GGA1: variants seen among roughly 807,000 people sequenced by gnomAD.
GGA1 encodes golgi associated, gamma adaptin ear containing, ARF binding protein 1.
Under a neutral mutation model 76.9 loss-of-function variants are expected in GGA1, and 18 were observed. The ratio of observed to expected loss-of-function variants is 0.23; its 90% CI spans 0.16 to 0.35. The LOEUF (loss-of-function observed/expected upper bound fraction) is 0.35. Ranked by LOEUF, GGA1 falls within the 10% of genes least tolerant of loss-of-function variation. The pLI is 1.00. For missense variants in GGA1, 755 were observed against 859.0 expected (o/e 0.88, Z 1.51); for synonymous variants, 342 against 354.7 (o/e 0.96, Z 0.40).
At chr22:37,622,185 C>T (rs1206552708) in intron 7 of GGA1, among the ~76,000 whole-genome samples, 1 of 151,598 alleles carries the variant, frequency 6.6e-6, no homozygotes, top group Admixed American at 6.6e-5. Context: ...CTCAAGCAGT[C>T]CTCCCACCTC....
rs561280659 is a variant in GGA1, at chr22:37,620,055, T to C, written c.304-183T>C. 4 of 667,616 alleles carry C rather than the reference T, an allele frequency of 6.0e-6. No individual in the cohort carries two copies. In the South Asian group the frequency reaches 7.0e-5, roughly 12 times the overall value. 41.4% of individuals were successfully genotyped at this position (667,616 alleles called of 1,614,324 possible). ...AGACACTGAGGGCTGACCCAGCTAA[T>C]AAGTGGCAGGGGTAGTAGGTGAACT... is the stretch of plus-strand genomic sequence containing the variant. On this transcript the variant is annotated intron_variant, in intron 4 of 16. Transcript: ENST00000343632.
rs1601541972 is a variant in GGA1 at position 37,624,795 on chromosome 22, T to G, written c.833-174T>G. On this transcript the variant is annotated intron_variant, in intron 9 of 16. Coordinates refer to ENST00000343632, the MANE Select transcript of GGA1 (RefSeq NM_013365.5). The surrounding 1 kb of genome is among the most constrained non-coding windows in gnomAD (Gnocchi z 4.3). Reference sequence around the variant, plus strand: ...GAGTGAATGAGGGAAGGGTGGGAGGTGAGACCAGGGAGGTGGCGGAGGGCC... The same window carrying G: ...GAGTGAATGAGGGAAGGGTGGGAGGGGAGACCAGGGAGGTGGCGGAGGGCC... The G allele has an allele frequency of 1.2e-6, 1 of 822,760 alleles. No homozygotes were observed. The highest frequency in any genetic ancestry group is 1.9e-6 in the Non-Finnish European group (1 of 540,250). 51.0% of individuals were successfully genotyped at this position (822,760 alleles called of 1,614,324 possible).
intron 11 of GGA1, chr22:37,626,191 AC>A: frequency 2.7e-6 from 1 of 373,928 alleles, no homozygotes. Flanking sequence ...GGATAAGCTA[AC>A]CAGCATTCAG....
At chr22:37,630,595 C>G (rs938930095) in intron 13 of GGA1, 1 of 467,658 alleles carries the variant, frequency 2.1e-6, no homozygotes, top group African/African-American at 2.0e-5. Context: ...GAGAGGGAGT[C>G]TCACCCTGTC....
Position 37,632,784 on chromosome 22 carries a change from C to G in GGA1, c.*73C>G. 2 of 892,696 alleles carry G rather than the reference C, an allele frequency of 2.2e-6. No homozygotes were observed. The allele number at this position is 892,696 out of a possible 1,614,324, so 55.3% of individuals were successfully genotyped here. A position where few individuals can be genotyped will look rare whatever the true frequency, so the allele number is the denominator to read the frequency against. ...CAGCCTGGAGGGAGGCATTGGTGGC[C>G]AAGGACACCCTTTGTTGCCCATGGC... On this transcript the variant is annotated 3_prime_UTR_variant, in exon 17 of 17. Transcript: ENST00000343632. This position sits in a 1 kb window ranked among gnomAD's most constrained non-coding sequence, Gnocchi z 5.1.
intron 2 of GGA1, among the ~76,000 whole-genome samples, chr22:37,614,595 C>T (rs905334538): frequency 3.3e-5 from 5 of 152,190 alleles, no homozygotes; most frequent in East Asian, 1.9e-4. Flanking sequence ...GGGAAAGGCC[C>T]CCCAGAGGGA....
At chr22:37,615,927 G>A (rs1309280271) in intron 2 of GGA1, among the ~76,000 whole-genome samples, 3 of 150,910 alleles carry the variant, frequency 2.0e-5, no homozygotes, top group African/African-American at 4.9e-5. Context: ...TGCAAGCTCC[G>A]CCTCCCAGGT....
At position 37,620,336 on chromosome 22, in the gene GGA1, G is replaced by A; in HGVS notation, c.402G>A (p.Glu134=). ...TGCCCGAGGAGGTGAAAATCGCAGA[G>A]GCCTACCAGATGCTAAAGAAGCAGG... is the stretch of plus-strand genomic sequence containing the variant. ...VGLPEEVKIA[E]AYQMLKKQGI... is the part of the protein sequence containing the mutation. Residue 134 remains glutamate, a synonymous_variant, in exon 5 of 17, where the codon GAG becomes GAA. Transcript: ENST00000343632. 6.2e-7 allele frequency: 1 copy of A among 1,614,038 alleles called. No homozygotes were observed. The highest frequency in any genetic ancestry group is 1.1e-5 in the South Asian group (1 of 91,086).
At position 37,630,149 on chromosome 22, in the gene GGA1, C is replaced by T. The variant is rs1036723091; in HGVS notation, c.1310C>T (p.Pro437Leu). ...ACCCTCCTGCAGCAGTCGCTGCCCC[C>T]GGAATCCCAGCAAGTGCGGTGGTGA... is the stretch of plus-strand genomic sequence containing the variant. ...GKTLLQQSLP[P>L]ESQQVRWEKQ... Residue 437 changes from proline (P) to leucine (L), a missense_variant, in exon 13 of 17, where the codon CCG becomes CTG. By Grantham distance (98) the Pro-to-Leu change is moderately conservative (BLOSUM62 -3). Transcript: ENST00000343632. 12 of 1,590,652 alleles carry T rather than the reference C, an allele frequency of 7.5e-6. No individual in the cohort carries two copies. Among genetic ancestry groups the T allele is most frequent in the African/African-American group, 1.4e-5 (1 of 73,388 alleles).
Position 37,618,453 on chromosome 22 carries a change from G to A in GGA1, c.210G>A (p.Leu70=). ...CATCCCCCCTCCCTGCACAGGTGCT[G>A]GAAACATGCATGAAGAGCTGCGGCA... ...EWEAIQALTV[L]ETCMKSCGKR... The change falls in exon 4 of 17, where the codon CTG becomes CTA. Residue 70 remains leucine, a synonymous_variant. Coordinates refer to ENST00000343632, the MANE Select transcript of GGA1 (RefSeq NM_013365.5). The A allele has an allele frequency of 1.2e-6, 2 of 1,608,018 alleles. No homozygotes were observed. The highest frequency in any genetic ancestry group is 1.7e-6 in the Non-Finnish European group (2 of 1,174,600).
Position 37,624,825 on chromosome 22 carries a change from T to G in GGA1, c.833-144T>G. On this transcript the variant is annotated intron_variant, in intron 9 of 16. Coordinates refer to ENST00000343632, the MANE Select transcript of GGA1 (RefSeq NM_013365.5). The surrounding 1 kb of genome is among the most constrained non-coding windows in gnomAD (Gnocchi z 4.3). ...CCAGGGAGGTGGCGGAGGGCCAGAG[T>G]CTCAGCAGACGAGATGGGCTGTTTC... is the stretch of plus-strand genomic sequence containing the variant. 1.8e-6 allele frequency: 2 copies of G among 1,135,500 alleles called. No homozygotes were observed. Among genetic ancestry groups the G allele is most frequent in the Non-Finnish European group, 2.5e-6 (2 of 814,984 alleles). 70.3% of individuals were successfully genotyped at this position (1,135,500 alleles called of 1,614,324 possible).
At chr22:37,611,972 T>C (rs1927699467) in intron 1 of GGA1, among the ~76,000 whole-genome samples, 1 of 151,468 alleles carries the variant, frequency 6.6e-6, no homozygotes, top group Non-Finnish European at 1.5e-5. Context: ...ACCAACATGG[T>C]GAAATTCCAT....
intron 2 of GGA1, among the ~76,000 whole-genome samples, chr22:37,616,134 G>T (rs951570636): frequency 5.9e-5 from 9 of 152,154 alleles, no homozygotes; most frequent in African/African-American, 2.2e-4. Flanking sequence ...GAGCCACCGT[G>T]CCCAGCTGGG....
At chr22:37,617,781 C>T (rs755387861) in intron 3 of GGA1, 37 of 946,918 alleles carry the variant, frequency 3.9e-5, no homozygotes, top group Non-Finnish European at 4.4e-5. Context: ...ATAGATGTAG[C>T]TTAGGATAAG....
In GGA1 at chr22:37,621,699, A is replaced by G. The variant is rs1348222315; in HGVS notation, c.609+3A>G. On this transcript the variant is annotated splice_donor_region_variant and intron_variant, in intron 7 of 16. Transcript: ENST00000343632. ...TCATCAAAGAGATGGTGCAGGAGGT[A>G]GCGGCCGAGCCCAGAGCACAGGGAG... The G allele has an allele frequency of 1.9e-6, 3 of 1,551,172 alleles. No homozygotes were observed. The African/African-American group carries it at 4.1e-5, about 21-fold the overall frequency.
In GGA1 at chr22:37,630,925, C is replaced by T. The variant is rs1273648347; in HGVS notation, c.1354C>T (p.Arg452Trp). 1.7e-5 allele frequency: 27 copies of T among 1,611,590 alleles called. No homozygotes were observed. Among genetic ancestry groups the T allele is most frequent in the African/African-American group, 5.4e-5 (4 of 74,758 alleles). Residue 452 changes from arginine (R) to tryptophan (W), a missense_variant, in exon 14 of 17, where the codon CGG (arginine) becomes TGG (tryptophan). Arg to Trp is a moderately radical substitution (Grantham distance 101, BLOSUM62 -3). Coordinates refer to ENST00000343632, the MANE Select transcript of GGA1 (RefSeq NM_013365.5). ...AAGGGAGAAGCAGCAGCCAACCCCCCGGCTCACACTCCGGGACCTGCAGAA... is the reference window on the plus strand; with the variant it reads ...AAGGGAGAAGCAGCAGCCAACCCCCTGGCTCACACTCCGGGACCTGCAGAA... ...VRWEKQQPTP[R>W]LTLRDLQNKS...
chr22:37,622,134 A>T (rs1930008917), intron 7 of GGA1, among the ~76,000 whole-genome samples: 1 of 152,124 alleles, frequency 6.6e-6, no homozygotes, highest in African/African-American at 2.4e-5. Flanking sequence ...GCAGGAGTAC[A>T]GTGGCATGAT....
In GGA1 at chr22:37,624,945, C is replaced by T. The variant is rs753485160; in HGVS notation, c.833-24C>T. 6.4e-6 allele frequency: 10 copies of T among 1,558,226 alleles called. No homozygotes were observed. Among genetic ancestry groups the T allele is most frequent in the Non-Finnish European group, 8.7e-6 (10 of 1,151,086 alleles). The stretch of plus-strand genomic sequence containing the variant: ...AGGCCCCCACAGTCCTTCAGCCTGG[C>T]CTCTCCCCTCCTGCCTGTTCCAGCG... On this transcript the variant is annotated intron_variant, in intron 9 of 16. Coordinates refer to ENST00000343632, the MANE Select transcript of GGA1 (RefSeq NM_013365.5). The surrounding 1 kb of genome is among the most constrained non-coding windows in gnomAD (Gnocchi z 4.3).
chr22:37,618,944 C>T (rs1475010922), intron 4 of GGA1, among the ~76,000 whole-genome samples: 3 of 152,354 alleles, frequency 2.0e-5, no homozygotes, highest in Non-Finnish European at 4.4e-5. Flanking sequence ...CCCCACCACA[C>T]AAGAGCAACC....
Sources: gnomAD v4.1 joint callset for allele counts (sites outside exome capture counted in the v4.1 genomes callset) on GRCh38, gnomAD v4.1.1 for gene constraint, Gnocchi (gnomAD v3.1) non-coding constraint, MANE v1.5 for transcripts, NCBI Gene and HGNC (gene_info 2026-07-23, HGNC 2026-07-21) for gene names.